The following NCOA7 variants were observed in gnomAD, a reference collection of about 807,000 sequenced individuals.
The protein encoded by NCOA7 is 140 kDa estrogen receptor-associated protein.
A neutral mutation model predicts 104.3 loss-of-function variants in NCOA7; 45 were observed. The ratio of observed to expected loss-of-function variants is 0.43; its 90% confidence interval spans 0.34 to 0.55. NCOA7 has a LOEUF of 0.55. Ranked by LOEUF, NCOA7 falls within the 20% of genes least tolerant of loss-of-function variation. NCOA7 has a pLI of 0.02. For missense variants in NCOA7, 1,041 were observed against 1,119.7 expected (o/e 0.93, Z 1.00); for synonymous variants, 398 against 402.3 (o/e 0.99, Z 0.13).
intron 10 of NCOA7, among the ~76,000 whole-genome samples, chr6:125,912,652 C>A (rs895768598): frequency 6.6e-6 from 1 of 152,108 alleles, no homozygotes; most frequent in Non-Finnish European, 1.5e-5. Flanking sequence ...GATGGCTTAG[C>A]ATTTATATGG....
intron 10 of NCOA7, chr6:125,899,886 CT>C (rs1785345405): frequency 2.1e-6 from 1 of 471,474 alleles, no homozygotes; most frequent in Non-Finnish European, 4.6e-6. Context: ...AAATAATCTT[CT>C]TTGTAAGTGA....
At chr6:125,827,499 AAG>A (rs1316531919) in intron 2 of NCOA7, among the ~76,000 whole-genome samples, 1 of 152,160 alleles carries the variant, frequency 6.6e-6, no homozygotes, top group Non-Finnish European at 1.5e-5. Flanking sequence ...GGAAAGCAAC[AAG>A]ACATCATAAA....
intron 2 of NCOA7, among the ~76,000 whole-genome samples, chr6:125,824,432 A>G (rs762021939): frequency 2.0e-5 from 3 of 152,226 alleles, no homozygotes; most frequent in Non-Finnish European, 4.4e-5. Context: ...AATGGGAATA[A>G]TAGTACCTAC....
At position 125,928,178 on chromosome 6, in the gene NCOA7, T is replaced by G; in HGVS notation, c.2624T>G (p.Phe875Cys). The change falls in exon 15 of 16, where the codon TTT becomes TGT. Residue 875 changes from phenylalanine (F) to cysteine (C), a missense_variant. Coordinates refer to ENST00000392477, the MANE Select transcript of NCOA7 (RefSeq NM_181782.5). ...LYTFSPHFKV[F>C]KWSGENSYFI... Reference sequence around the variant, plus strand: ...TTTTTGTGTTTCTTCCCCAAGGTCTTTAAGTGGAGTGGAGAAAATTCATAC... The same window carrying G: ...TTTTTGTGTTTCTTCCCCAAGGTCTGTAAGTGGAGTGGAGAAAATTCATAC... 1 of 1,612,186 alleles carries G rather than the reference T, an allele frequency of 6.2e-7. No homozygotes were observed. The highest frequency in any genetic ancestry group is 8.5e-7 in the Non-Finnish European group (1 of 1,179,348).
chr6:125,881,106 A>G lies in NCOA7; in HGVS notation c.476A>G (p.Asp159Gly). ...IVPGQVLFVP[D>G]ANSPSSTLRL... Reference sequence around the variant, plus strand: ...CATTCTCAGGTCCTTTTTGTGCCAGATGCCAACTCTCCTTCCAGTACCTTA... The same window carrying G: ...CATTCTCAGGTCCTTTTTGTGCCAGGTGCCAACTCTCCTTCCAGTACCTTA... Residue 159 changes from aspartate (D) to glycine (G), a missense_variant, in exon 6 of 16, where the codon GAT (aspartate) becomes GGT (glycine). By Grantham distance (94) the Asp-to-Gly change is moderately conservative (BLOSUM62 -1). Transcript: ENST00000392477. The G allele has an allele frequency of 1.2e-6, 2 of 1,613,930 alleles. No homozygotes were observed. The highest frequency in any genetic ancestry group is 1.7e-6 in the Non-Finnish European group (2 of 1,179,880).
intron 2 of NCOA7, among the ~76,000 whole-genome samples, chr6:125,847,485 CA>C (rs1780726808): frequency 6.6e-6 from 1 of 152,128 alleles, no homozygotes; most frequent in Non-Finnish European, 1.5e-5. Context: ...GTGCATTTTT[CA>C]AAAACACATG....
In NCOA7 at chr6:125,928,839, G is replaced by C; in HGVS notation, c.*68G>C. 6.5e-7 allele frequency: 1 copy of C among 1,534,558 alleles called. No individual in the cohort carries two copies. The highest frequency in any genetic ancestry group is 1.3e-5 in the South Asian group (1 of 78,470). On this transcript the variant is annotated 3_prime_UTR_variant, in exon 16 of 16. Transcript: ENST00000392477. ...CGATCAGCCCTCCTAAAGCTGGCTG[G>C]AAAAAGAAGCCCCAGCCCAGCCTGC... is the stretch of plus-strand genomic sequence containing the variant.
intron 2 of NCOA7, among the ~76,000 whole-genome samples, chr6:125,854,074 A>T (rs1014490854): frequency 6.6e-6 from 1 of 152,222 alleles, no homozygotes; most frequent in African/African-American, 2.4e-5. Flanking sequence ...ATAGAAATGT[A>T]TGAGAGAAAT....
chr6:125,811,265 C>T (rs887756791), intron 1 of NCOA7, among the ~76,000 whole-genome samples: 9 of 152,136 alleles, frequency 5.9e-5, no homozygotes, highest in African/African-American at 2.2e-4. Flanking sequence ...ATATAATTGA[C>T]GTTATCCCCA....
At chr6:125,788,069 T>C (rs1774552147), upstream of NCOA7, among the ~76,000 whole-genome samples, 1 of 152,234 alleles carries the variant, frequency 6.6e-6, no homozygotes, top group South Asian at 2.1e-4. Context: ...CACTTTCTAC[T>C]GAGGTTTGAT....
chr6:125,915,411 G>C lies in NCOA7; in HGVS notation c.2175G>C (p.Val725=). Residue 725 remains valine, a synonymous_variant, in exon 11 of 16, where the codon GTG becomes GTC. Coordinates refer to ENST00000392477, the MANE Select transcript of NCOA7 (RefSeq NM_181782.5). ...YGKDAKEQGF[V]VVEKEELNMI... is the part of the protein sequence containing the mutation. ...AAGATGCCAAAGAGCAAGGCTTTGT[G>C]GTGGTGGAGAAGGAAGAACTGAACA... 1 of 1,613,920 alleles carries C rather than the reference G, an allele frequency of 6.2e-7. No individual in the cohort carries two copies.
intron 10 of NCOA7, chr6:125,913,595 G>A (rs927130263): frequency 3.1e-5 from 28 of 905,420 alleles, no homozygotes; most frequent in Non-Finnish European, 3.7e-5. Flanking sequence ...ATGGTAACAT[G>A]TCATATACAC....
intron 1 of NCOA7, among the ~76,000 whole-genome samples, chr6:125,808,353 C>G (rs948530042): frequency 6.6e-6 from 1 of 152,204 alleles, no homozygotes; most frequent in Non-Finnish European, 1.5e-5. Context: ...TGTGTGGTTC[C>G]TTGTGACCAC....
At chr6:125,814,592 A>C (rs1374027854) in intron 1 of NCOA7, among the ~76,000 whole-genome samples, 1 of 152,228 alleles carries the variant, frequency 6.6e-6, no homozygotes, top group Non-Finnish European at 1.5e-5. Context: ...ATTTTTGAGC[A>C]GGGGAGTGGC....
intron 2 of NCOA7, among the ~76,000 whole-genome samples, chr6:125,841,423 G>A (rs188350137): frequency 3.0e-4 from 46 of 152,132 alleles, no homozygotes; most frequent in African/African-American, 1.1e-3. Context: ...ATGTATCCCT[G>A]TCGTTTAGCA....
At chr6:125,927,795 C>A in intron 14 of NCOA7, 37 bp downstream of exon 14, 1 of 1,492,278 alleles carries the variant, frequency 6.7e-7, no homozygotes, top group South Asian at 1.1e-5. Context: ...TCCCATATGT[C>A]ACAGTGTCCT....
chr6:125,909,943 T>C (rs1328556399), intron 10 of NCOA7, among the ~76,000 whole-genome samples: 1 of 152,198 alleles, frequency 6.6e-6, no homozygotes, highest in Non-Finnish European at 1.5e-5. Context: ...GGGTATTTTA[T>C]TAAATCCTAT....
chr6:125,882,611 A>T, intron 7 of NCOA7, 60 bp downstream of exon 7: 1 of 1,572,644 alleles, frequency 6.4e-7, no homozygotes, highest in Non-Finnish European at 8.7e-7. Flanking sequence ...AAACAAAGTT[A>T]CAAATTACTG....
intron 3 of NCOA7, among the ~76,000 whole-genome samples, chr6:125,870,254 A>C (rs910312407): frequency 1.3e-5 from 2 of 152,126 alleles, no homozygotes; most frequent in African/African-American, 4.8e-5. Flanking sequence ...AGTCCACTAC[A>C]TTTTAGTAGA....
Sources: gnomAD v4.1 joint callset for allele counts (sites outside exome capture counted in the v4.1 genomes callset) on GRCh38, gnomAD v4.1.1 for gene constraint, MANE v1.5 for transcripts, NCBI Gene and HGNC (gene_info 2026-07-23, HGNC 2026-07-21) for gene names.